Variants in ANKRD20A1 observed in about 807,000 individuals in gnomAD.
ANKRD20A1 encodes the protein ankyrin repeat domain 20 family member A1.
In ANKRD20A1, 2 loss-of-function variants were observed where a neutral mutation model predicts 50.9. The observed-to-expected ratio is 0.04, with a 90% CI of 0.02 to 0.12. The LOEUF (loss-of-function observed/expected upper bound fraction) is 0.12, where lower values mean the gene tolerates loss of function less well. ANKRD20A1 is among the 10% of genes least tolerant of loss of function. The pLI, the probability that ANKRD20A1 is intolerant of heterozygous loss-of-function variation, is 1.00. For missense variants in ANKRD20A1, 31 were observed against 548.1 expected, an observed-to-expected ratio of 0.06 and a Z score of 9.42; for synonymous variants, 10 against 186.2, an observed-to-expected ratio of 0.05 and a Z score of 7.70.
intron 8 of ANKRD20A1, among the ~76,000 whole-genome samples, chr9:67,882,645 A>G (rs576646544): frequency 2.1e-5 from 3 of 142,550 alleles, no homozygotes; most frequent in East Asian, 4.6e-4. Context: ...ATTACTCTTT[A>G]TTATTCTTAT....
intron 8 of ANKRD20A1, among the ~76,000 whole-genome samples, chr9:67,883,064 C>T (rs1365104404): frequency 6.6e-6 from 1 of 150,794 alleles, no homozygotes; most frequent in East Asian, 2.0e-4. Context: ...GGTTCCAAGT[C>T]TTTGCTATTG....
chr9:67,882,328 T>A, intron 8 of ANKRD20A1, among the ~76,000 whole-genome samples: 2 of 151,198 alleles, frequency 1.3e-5, no homozygotes, highest in South Asian at 4.2e-4. Flanking sequence ...TTTTATATAA[T>A]GGAATGTTAT....
In ANKRD20A1 at chr9:67,867,762, G is replaced by A. The variant is rs531674111; in HGVS notation, c.599+379G>A. On this transcript the variant is annotated intron_variant, in intron 4 of 14. Coordinates refer to ENST00000562196, the MANE Select transcript of ANKRD20A1 (RefSeq NM_032250.5). ...CATTCTCCACCTGCCAGGTTCAAGC[G>A]ATTCTCCTGCCTCGGCCTCCCAAGT... 4.0e-5 allele frequency among the ~76,000 whole-genome samples: 4 copies of A among 100,924 alleles called. No individual in the cohort carries two copies. The East Asian group carries it at 1.6e-3, about 40-fold the overall frequency. The allele number at this position is 100,924 out of a possible 152,430, so 66.2% of individuals were successfully genotyped here.
Position 67,861,042 on chromosome 9 carries a change from A to G in ANKRD20A1, c.203+1413A>G, listed in dbSNP as rs907239046. 4.7e-5 allele frequency among the ~76,000 whole-genome samples: 2 copies of G among 42,704 alleles called. 1 individual carries two copies. The highest frequency in any genetic ancestry group is 3.7e-4 in the Admixed American group (2 of 5,452). The allele number at this position is 42,704 out of a possible 152,430, so 28.0% of individuals were successfully genotyped here. A position where few individuals can be genotyped will look rare whatever the true frequency, so the allele number is the denominator to read the frequency against. On this transcript the variant is annotated intron_variant, in intron 1 of 14. Coordinates refer to ENST00000562196, the MANE Select transcript of ANKRD20A1 (RefSeq NM_032250.5). ...AATATAAAATTTGTAATTTCTGAGC[A>G]TTTGTATTTTAAGTAAAGTTTTTTT... is the stretch of plus-strand genomic sequence containing the variant.
At chr9:67,868,801 T>C (rs1449246088) in intron 5 of ANKRD20A1, among the ~76,000 whole-genome samples, 51 of 64,192 alleles carry the variant, frequency 7.9e-4, no homozygotes, top group East Asian at 5.4e-3. Context: ...CTCAATGTTA[T>C]TCATTTTATT....
At chr9:67,896,300 G>A (rs1199811176) in intron 12 of ANKRD20A1, among the ~76,000 whole-genome samples, 1 of 76,858 alleles carries the variant, frequency 1.3e-5, no homozygotes, top group African/African-American at 3.9e-5. Context: ...GTGTTTTCAT[G>A]CATGCAAGTT....
At chr9:67,873,021 T>A (rs1827675195) in intron 6 of ANKRD20A1, among the ~76,000 whole-genome samples, 1 of 120,610 alleles carries the variant, frequency 8.3e-6, no homozygotes, top group Non-Finnish European at 1.7e-5. Context: ...AGGCATGCAC[T>A]ACCACACTTG....
chr9:67,884,122 G>T (rs1317283849), intron 8 of ANKRD20A1, among the ~76,000 whole-genome samples: 1 of 96,392 alleles, frequency 1.0e-5, no homozygotes, highest in Non-Finnish European at 2.3e-5. Context: ...ATTAGGGCTG[G>T]GTGTGGTGGT....
At chr9:67,898,769 A>G (rs1288683606) in intron 13 of ANKRD20A1, among the ~76,000 whole-genome samples, 1 of 43,720 alleles carries the variant, frequency 2.3e-5, no homozygotes, top group Non-Finnish European at 5.0e-5. Context: ...TTGTCAATAA[A>G]TAGTAACTTT....
Position 67,859,173 on chromosome 9 carries a change from G to A in ANKRD20A1, c.-254G>A. 1 of 206,938 alleles carries A rather than the reference G, an allele frequency of 4.8e-6. No homozygotes were observed. The highest frequency in any genetic ancestry group is 6.7e-5 in the South Asian group (1 of 14,970). 12.8% of individuals were successfully genotyped at this position (206,938 alleles called of 1,614,324 possible). A position where few individuals can be genotyped will look rare whatever the true frequency, so the allele number is the denominator to read the frequency against. On this transcript the variant is annotated 5_prime_UTR_variant, in exon 1 of 15. Coordinates refer to ENST00000562196, the MANE Select transcript of ANKRD20A1 (RefSeq NM_032250.5). Reference sequence around the variant, plus strand: ...AGGCGCGCGCCCAACGGCTTTGCGAGGCTCACTCGGTCTGAGAGGTCGGAG... The same window carrying A: ...AGGCGCGCGCCCAACGGCTTTGCGAAGCTCACTCGGTCTGAGAGGTCGGAG...
At chr9:67,865,642 T>C (rs1239281359) in intron 3 of ANKRD20A1, among the ~76,000 whole-genome samples, 3 of 142,494 alleles carry the variant, frequency 2.1e-5, no homozygotes, top group African/African-American at 7.8e-5. Flanking sequence ...TTCAGGCATA[T>C]CCTAAAAAAT....
chr9:67,883,118 G>A (rs1403715142), intron 8 of ANKRD20A1, among the ~76,000 whole-genome samples: 3 of 151,562 alleles, frequency 2.0e-5, no homozygotes, highest in Non-Finnish European at 4.4e-5. Context: ...TGTCTTTATA[G>A]CAGCATGATT....
At position 67,860,152 on chromosome 9, in the gene ANKRD20A1, G is replaced by A. The variant is rs185479522; in HGVS notation, c.203+523G>A. Among the ~76,000 whole-genome samples the A allele has an allele frequency of 1.6e-3, 69 of 42,132 alleles. 26 individuals are homozygous for A. The highest frequency in any genetic ancestry group is 2.4e-3 in the Admixed American group (13 of 5,412). The allele number at this position is 42,132 out of a possible 152,430, so 27.6% of individuals were successfully genotyped here. On this transcript the variant is annotated intron_variant, in intron 1 of 14. Coordinates refer to ENST00000562196, the MANE Select transcript of ANKRD20A1 (RefSeq NM_032250.5). ...GGCTCACTGCAACCTCTGCCTGCCG[G>A]GTTCAAGCAATTTTCCTACTTCAGC...
intron 8 of ANKRD20A1, among the ~76,000 whole-genome samples, chr9:67,882,831 C>T (rs1417527145): frequency 6.7e-6 from 1 of 150,090 alleles, no homozygotes; most frequent in Non-Finnish European, 1.5e-5. Context: ...GTTCCCCATC[C>T]TGTGTCCAGG....
chr9:67,885,436 A>G (rs1183468749), intron 9 of ANKRD20A1, among the ~76,000 whole-genome samples: 6 of 152,396 alleles, frequency 3.9e-5, no homozygotes, highest in Non-Finnish European at 8.8e-5. Context: ...GATGAACATC[A>G]CCAAAAATGG....
Position 67,859,381 on chromosome 9 carries a change from C to G in ANKRD20A1, c.-46C>G. The G allele has an allele frequency of 1.7e-6, 1 of 591,116 alleles. No homozygotes were observed. The highest frequency in any genetic ancestry group is 4.5e-5 in the East Asian group (1 of 22,458). 36.6% of individuals were successfully genotyped at this position (591,116 alleles called of 1,614,324 possible). On this transcript the variant is annotated 5_prime_UTR_variant, in exon 1 of 15. Coordinates refer to ENST00000562196, the MANE Select transcript of ANKRD20A1 (RefSeq NM_032250.5). ...GGTGAAAAGGTGACAGGGAGCTGCC[C>G]CCGCTCAAGAGCCGGTGGTTGGGGG... is the stretch of plus-strand genomic sequence containing the variant.
At chr9:67,885,781 G>A (rs1423266184) in intron 9 of ANKRD20A1, among the ~76,000 whole-genome samples, 1 of 152,310 alleles carries the variant, frequency 6.6e-6, no homozygotes, top group African/African-American at 2.4e-5. Flanking sequence ...TGATTCAGCA[G>A]GTATGGGAGT....
intron 4 of ANKRD20A1, among the ~76,000 whole-genome samples, chr9:67,867,661 T>C (rs1174226331): frequency 2.0e-4 from 23 of 115,100 alleles, no homozygotes; most frequent in African/African-American, 6.1e-4. Context: ...ATTAGTTTTA[T>C]TAATTTTTTT....
chr9:67,885,485 G>A (rs1224062725), intron 9 of ANKRD20A1, among the ~76,000 whole-genome samples: 2 of 152,254 alleles, frequency 1.3e-5, no homozygotes, highest in African/African-American at 2.4e-5. Context: ...TATAGAAAAT[G>A]TTGTAACCTC....
Sources: allele counts gnomAD v4.1 joint callset (sites outside exome capture counted in the v4.1 genomes callset), GRCh38; gene constraint gnomAD v4.1.1; transcripts MANE v1.5; gene names NCBI Gene and HGNC (gene_info 2026-07-23, HGNC 2026-07-21).